FBXL20: variants seen among roughly 807,000 people sequenced by gnomAD.
The protein encoded by FBXL20 is F-box and leucine rich repeat protein 20.
A neutral mutation model predicts 64.0 loss-of-function variants in FBXL20; 11 were observed. The observed-to-expected ratio is 0.17, with a 90% CI of 0.11 to 0.28. The LOEUF (loss-of-function observed/expected upper bound fraction) is 0.28. Among genes scored for constraint, FBXL20 ranks in the 10% least tolerant of loss-of-function variants. The pLI is 1.00. For missense variants in FBXL20, 303 were observed against 526.2 expected (o/e 0.58, Z 4.15); for synonymous variants, 184 against 189.0 (o/e 0.97, Z 0.22).
intron 6 of FBXL20, among the ~76,000 whole-genome samples, chr17:39,288,672 C>T (rs561263310): frequency 1.4e-4 from 21 of 151,784 alleles, no homozygotes; most frequent in African/African-American, 4.8e-4. Context: ...GTGAAGTGAC[C>T]TTTTTTGTTT....
intron 11 of FBXL20, among the ~76,000 whole-genome samples, chr17:39,270,526 A>G (rs1402721155): frequency 6.6e-6 from 1 of 152,162 alleles, no homozygotes; most frequent in Non-Finnish European, 1.5e-5. Flanking sequence ...CCTGGGTGAC[A>G]GAGCGAGACC....
chr17:39,363,821 A>AAC (rs71147323), intron 1 of FBXL20, among the ~76,000 whole-genome samples: 1,135 of 71,592 alleles, frequency 0.016, 97 homozygotes, highest in African/African-American at 0.11. Context: ...AAAAAAAAAA[A>AAC]AAAAACAAAA....
intron 1 of FBXL20, among the ~76,000 whole-genome samples, chr17:39,387,196 T>A (rs7208487): frequency 6.6e-6 from 1 of 151,930 alleles, no homozygotes; most frequent in Non-Finnish European, 1.5e-5. Context: ...TTTACCCAAC[T>A]GCAGACTAAC....
At chr17:39,266,958 C>T (rs1156902249) in intron 12 of FBXL20, among the ~76,000 whole-genome samples, 1 of 151,382 alleles carries the variant, frequency 6.6e-6, no homozygotes, top group South Asian at 2.1e-4. Flanking sequence ...AAATTCAAGA[C>T]CAGTCTGAGC....
intron 1 of FBXL20, among the ~76,000 whole-genome samples, chr17:39,381,995 GAGC>G (rs1379281808): frequency 6.7e-6 from 1 of 150,308 alleles, no homozygotes; most frequent in Non-Finnish European, 1.5e-5. Context: ...TCAGGAAGCT[GAGC>G]AGGAGAATCA....
chr17:39,372,516 CAAAAAA>C (rs747264126), intron 1 of FBXL20, among the ~76,000 whole-genome samples: 18 of 41,158 alleles, frequency 4.4e-4, no homozygotes, highest in Admixed American at 2.7e-3. Flanking sequence ...AGACTCTGAC[CAAAAAA>C]AAAAAAAAAA....
chr17:39,315,749 G>A (rs1467787195), intron 2 of FBXL20, among the ~76,000 whole-genome samples: 1 of 151,720 alleles, frequency 6.6e-6, no homozygotes, highest in African/African-American at 2.4e-5. Flanking sequence ...CCGTGCAACA[G>A]GAGGAAGGTG....
intron 2 of FBXL20, among the ~76,000 whole-genome samples, chr17:39,318,579 A>G (rs865844873): frequency 6.6e-6 from 1 of 152,162 alleles, no homozygotes; most frequent in Non-Finnish European, 1.5e-5. Flanking sequence ...TGTCTCTACT[A>G]AAAATACAAC....
rs1181829526 is a variant in FBXL20, at chr17:39,264,401, G to C, written c.991-14C>G. 9 of 1,607,158 alleles carry C rather than the reference G, an allele frequency of 5.6e-6. No individual in the cohort carries two copies. Among genetic ancestry groups the C allele is most frequent in the Non-Finnish European group, 7.7e-6 (9 of 1,175,300 alleles). On this transcript the variant is annotated splice_polypyrimidine_tract_variant and intron_variant, in intron 13 of 14. Transcript: ENST00000264658. ...GTGAGACAGACTCTGCAGCCAAATA[G>C]AGCAAGGAAGGATGTTGAAATATCT...
intron 9 of FBXL20, among the ~76,000 whole-genome samples, chr17:39,276,299 A>G (rs1032120407): frequency 1.3e-5 from 2 of 150,600 alleles, no homozygotes; most frequent in Non-Finnish European, 3.0e-5. Flanking sequence ...TAAAGAAAGG[A>G]AAGAAAGGAA....
Position 39,292,639 on chromosome 17 carries a change from T to C in FBXL20, c.398+4488A>G, listed in dbSNP as rs892521668. Among the ~76,000 whole-genome samples the C allele has an allele frequency of 4.4e-5, 5 of 112,648 alleles. No homozygotes were observed. The South Asian group carries it at 8.8e-4, about 20-fold the overall frequency. 73.9% of individuals were successfully genotyped at this position (112,648 alleles called of 152,430 possible). On this transcript the variant is annotated intron_variant, in intron 6 of 14. Transcript: ENST00000264658. ...GTCTATTTCTTTTCTTTTCTTTTTT[T>C]TGAGAGTTTTTCGCTTGTTGCCCAG... is the stretch of plus-strand genomic sequence containing the variant.
intron 9 of FBXL20, among the ~76,000 whole-genome samples, chr17:39,278,941 G>GT (rs1385068599): frequency 6.6e-6 from 1 of 151,510 alleles, no homozygotes; most frequent in African/African-American, 2.4e-5. Flanking sequence ...ATCACTTGAG[G>GT]TCAGGAGTTC....
intron 3 of FBXL20, among the ~76,000 whole-genome samples, chr17:39,302,498 C>T (rs867211741): frequency 3.3e-5 from 5 of 151,972 alleles, no homozygotes; most frequent in South Asian, 2.1e-4. Context: ...CTCAGCCTCC[C>T]GAGTAGCTGG....
intron 1 of FBXL20, among the ~76,000 whole-genome samples, chr17:39,346,593 G>A (rs2047634809): frequency 6.6e-6 from 1 of 152,078 alleles, no homozygotes; most frequent in Admixed American, 6.6e-5. Context: ...CTGGAACAAA[G>A]ATTGTTAAAA....
intron 2 of FBXL20, among the ~76,000 whole-genome samples, chr17:39,341,337 G>A (rs575437698): frequency 6.6e-6 from 1 of 152,208 alleles, no homozygotes; most frequent in African/African-American, 2.4e-5. Context: ...GTATATAAGA[G>A]TTATTCCAAT....
intron 2 of FBXL20, among the ~76,000 whole-genome samples, chr17:39,325,729 C>T (rs892712745): frequency 3.9e-5 from 6 of 152,070 alleles, no homozygotes; most frequent in South Asian, 4.1e-4. Flanking sequence ...GAACACTGCA[C>T]GCACAGGGCA....
At chr17:39,331,155 G>C (rs949644831) in intron 2 of FBXL20, among the ~76,000 whole-genome samples, 1 of 152,194 alleles carries the variant, frequency 6.6e-6, no homozygotes, top group African/African-American at 2.4e-5. Flanking sequence ...GCCCAGGCTA[G>C]AGTACAGTGG....
intron 9 of FBXL20, among the ~76,000 whole-genome samples, chr17:39,278,705 G>A (rs2046921950): frequency 6.8e-6 from 1 of 146,074 alleles, no homozygotes; most frequent in African/African-American, 2.5e-5. Flanking sequence ...ACACCACTAC[G>A]CCCGGGCTAA....
intron 1 of FBXL20, among the ~76,000 whole-genome samples, chr17:39,370,257 G>A (rs1425864846): frequency 7.9e-5 from 12 of 151,514 alleles, no homozygotes; most frequent in Non-Finnish European, 8.8e-5. Context: ...TTGGGAGGCC[G>A]GGGCGGGCGG....
Sources: allele counts gnomAD v4.1 joint callset (sites outside exome capture counted in the v4.1 genomes callset), GRCh38; gene constraint gnomAD v4.1.1; transcripts MANE v1.5; gene names NCBI Gene and HGNC (gene_info 2026-07-23, HGNC 2026-07-21).